Variants in LAMC3 observed in about 807,000 individuals in gnomAD.
LAMC3 encodes the protein laminin subunit gamma-3.
In LAMC3, 128 loss-of-function variants were observed where a neutral mutation model predicts 173.8. That is an observed-to-expected ratio of 0.74 (90% CI 0.64 to 0.85). The LOEUF (loss-of-function observed/expected upper bound fraction) is 0.85. Ranked by LOEUF, LAMC3 falls within the 40% of genes least tolerant of loss-of-function variation. LAMC3 has a pLI of 0.00. For synonymous variants in LAMC3, 897 were observed against 909.1 expected, an observed-to-expected ratio of 0.99 and a Z score of 0.24; for missense variants, 2,022 against 2,156.0, an observed-to-expected ratio of 0.94 and a Z score of 1.23.
intron 1 of LAMC3, among the ~76,000 whole-genome samples, chr9:131,023,536 G>A (rs1476490234): frequency 1.3e-5 from 2 of 152,224 alleles, no homozygotes; most frequent in Non-Finnish European, 2.9e-5. Flanking sequence ...ATGATGTGGA[G>A]CATTTTTTCT....
At position 131,042,195 on chromosome 9, in the gene LAMC3, C is replaced by T. The variant is rs147686514; in HGVS notation, c.1382+460C>T. Among the ~76,000 whole-genome samples the T allele has an allele frequency of 6.3e-3, 964 of 152,202 alleles. 7 individuals carry two copies. Among genetic ancestry groups the T allele is most frequent in the Middle Eastern group, 0.034 (10 of 294 alleles). ...CGTTTCACACCCACAGCAGACATCA[C>T]TCATGGAGTATTATCAACGCTCCCC... On this transcript the variant is annotated intron_variant, in intron 7 of 27. Transcript: ENST00000361069.
chr9:131,033,645 C>G (rs3780278), intron 3 of LAMC3, among the ~76,000 whole-genome samples: 28,669 of 152,020 alleles, frequency 0.19, 4,727 homozygotes, highest in African/African-American at 0.45. Flanking sequence ...CACCCCCAAA[C>G]CCCTGACAGC....
intron 24 of LAMC3, among the ~76,000 whole-genome samples, chr9:131,083,865 C>CTTTTTTTTTT (rs61109597): frequency 2.0e-5 from 1 of 49,218 alleles, no homozygotes; most frequent in Non-Finnish European, 3.5e-5. Flanking sequence ...GTAATAAGTG[C>CTTTTTTTTTT]TTTTTTTTTT....
chr9:131,052,415 C>T lies in LAMC3; in HGVS notation c.1631-76C>T, dbSNP rs115566350. ...TTATCTTTTTTGAATGTTTAGTTGC[C>T]GATAAAATCAACATAGACATTTAAA... is the stretch of plus-strand genomic sequence containing the variant. On this transcript the variant is annotated intron_variant, in intron 9 of 27. Coordinates refer to ENST00000361069, the MANE Select transcript of LAMC3 (RefSeq NM_006059.4). 1,525 of 1,305,726 alleles carry T rather than the reference C, an allele frequency of 1.2e-3. 10 individuals carry two copies. In the African/African-American group the frequency reaches 0.019, roughly 16 times the overall value. The allele number at this position is 1,305,726 out of a possible 1,614,324, so 80.9% of individuals were successfully genotyped here. A position where few individuals can be genotyped will look rare whatever the true frequency, so the allele number is the denominator to read the frequency against.
intron 7 of LAMC3, among the ~76,000 whole-genome samples, chr9:131,044,963 C>T (rs1834121442): frequency 6.6e-6 from 1 of 152,116 alleles, no homozygotes; most frequent in South Asian, 2.1e-4. Context: ...TGGCTCAAGC[C>T]TGAAATCCCA....
Position 131,041,914 on chromosome 9 carries a change from A to G in LAMC3, c.1382+179A>G, listed in dbSNP as rs529564159. Among the ~76,000 whole-genome samples, 23 of 152,292 alleles carry G rather than the reference A, an allele frequency of 1.5e-4. No individual in the cohort carries two copies. The South Asian group carries it at 4.8e-3, about 32-fold the overall frequency. ...TATCTGTCATACAGGAAGTTACTCAAAAGCTTTATGGCACTGTTTGTGCTT... is the reference window on the plus strand; with the variant it reads ...TATCTGTCATACAGGAAGTTACTCAGAAGCTTTATGGCACTGTTTGTGCTT... On this transcript the variant is annotated intron_variant, in intron 7 of 27. Transcript: ENST00000361069.
At chr9:131,078,125 C>T (rs1443213119) in intron 22 of LAMC3, among the ~76,000 whole-genome samples, 1 of 152,180 alleles carries the variant, frequency 6.6e-6, no homozygotes, top group South Asian at 2.1e-4. Flanking sequence ...ATACTCATCA[C>T]CTCTGCATGA....
chr9:131,038,381 CAG>C (rs1833983045), intron 4 of LAMC3, among the ~76,000 whole-genome samples: 1 of 152,216 alleles, frequency 6.6e-6, no homozygotes, highest in African/African-American at 2.4e-5. Flanking sequence ...GGAGCCAAGA[CAG>C]AGCCAGTCCT....
Position 131,091,534 on chromosome 9 carries a change from C to A in LAMC3, c.4478-3C>A, listed in dbSNP as rs1380580866. The A allele has an allele frequency of 6.3e-7, 1 of 1,576,970 alleles. No individual in the cohort carries two copies. Among genetic ancestry groups the A allele is most frequent in the Non-Finnish European group, 8.6e-7 (1 of 1,162,280 alleles). ...CAGTGAGGCTGTTTGTGCCCCACCA[C>A]AGGGTCGCTGGACACCCATCAAGCC... On this transcript the variant is annotated splice_region_variant and splice_polypyrimidine_tract_variant and intron_variant, in intron 27 of 27. Coordinates refer to ENST00000361069, the MANE Select transcript of LAMC3 (RefSeq NM_006059.4).
intron 1 of LAMC3, among the ~76,000 whole-genome samples, chr9:131,019,981 G>A (rs1016224545): frequency 1.3e-5 from 2 of 152,114 alleles, no homozygotes; most frequent in African/African-American, 2.4e-5. Context: ...GAATGACACC[G>A]GGACAGTCAT....
chr9:131,054,819 A>G (rs1019523286), intron 11 of LAMC3, among the ~76,000 whole-genome samples: 1 of 114,338 alleles, frequency 8.7e-6, no homozygotes, highest in Non-Finnish European at 1.8e-5. Context: ...AGAGAGAGAA[A>G]GAAAGAAGAA....
chr9:131,071,676 G>A lies in LAMC3; in HGVS notation c.3211+51G>A, dbSNP rs775025034. 3 of 1,498,412 alleles carry A rather than the reference G, an allele frequency of 2.0e-6. No homozygotes were observed. In the African/African-American group the frequency reaches 4.2e-5, roughly 21 times the overall value. The allele number at this position is 1,498,412 out of a possible 1,614,324, so 92.8% of individuals were successfully genotyped here. ...GGTGGGAGGCAAGGGGAGGCCCCCA[G>A]CGCCTGCAGTCTGGTGTCGTTGGAT... is the stretch of plus-strand genomic sequence containing the variant. On this transcript the variant is annotated intron_variant, in intron 18 of 27. Coordinates refer to ENST00000361069, the MANE Select transcript of LAMC3 (RefSeq NM_006059.4).
chr9:131,032,663 ACTCT>A (rs898342357), intron 3 of LAMC3, among the ~76,000 whole-genome samples: 1 of 101,508 alleles, frequency 9.9e-6, no homozygotes, highest in African/African-American at 3.7e-5. Flanking sequence ...ACTCTCTCTC[ACTCT>A]CTCTCGCTCT....
At chr9:131,028,591 C>T (rs762686388) in intron 2 of LAMC3, among the ~76,000 whole-genome samples, 2 of 152,312 alleles carry the variant, frequency 1.3e-5, no homozygotes, top group Admixed American at 6.5e-5. Context: ...TAAGGACTCA[C>T]GGAACTCAGA....
In LAMC3 at chr9:131,009,811, G is replaced by C. The variant is rs1833379618; in HGVS notation, c.373+224G>C. Among the ~76,000 whole-genome samples, 1 of 152,062 alleles carries C rather than the reference G, an allele frequency of 6.6e-6. No homozygotes were observed. Among genetic ancestry groups the C allele is most frequent in the Admixed American group, 6.5e-5 (1 of 15,268 alleles). The stretch of plus-strand genomic sequence containing the variant: ...ATGGGAGGGTCGCTTGAGCCCAGGA[G>C]TTCAAGATCAGCCTGGGCAACGTAG... On this transcript the variant is annotated intron_variant, in intron 1 of 27. Transcript: ENST00000361069. This position sits in a 1 kb window ranked among gnomAD's most constrained non-coding sequence, Gnocchi z 4.3.
intron 25 of LAMC3, 104 bp from the exon 26 acceptor site, chr9:131,087,372 C>T (rs759827432): frequency 7.2e-7 from 1 of 1,389,042 alleles, no homozygotes; most frequent in Non-Finnish European, 1.0e-6. Flanking sequence ...AATGATCTGC[C>T]TGGTACAGAC....
At chr9:131,069,089 G>A (rs746414857) in intron 16 of LAMC3, 39 bp downstream of exon 16, 17 of 1,609,172 alleles carry the variant, frequency 1.1e-5, no homozygotes, top group Non-Finnish European at 1.2e-5. Context: ...CCCTGAGGGT[G>A]GGGCCCGAGG....
intron 27 of LAMC3, among the ~76,000 whole-genome samples, chr9:131,088,826 A>T (rs2133354406): frequency 6.6e-6 from 1 of 152,174 alleles, no homozygotes; most frequent in East Asian, 1.9e-4. Flanking sequence ...TCATGCCTGT[A>T]ATCCCAGCAC....
intron 16 of LAMC3, 71 bp downstream of exon 16, chr9:131,069,121 A>G (rs1829995044): frequency 6.6e-7 from 1 of 1,513,690 alleles, no homozygotes; most frequent in Non-Finnish European, 9.2e-7. Context: ...GAGATGACTG[A>G]TGGGGAAAAT....
Sources: allele counts gnomAD v4.1 joint callset (sites outside exome capture counted in the v4.1 genomes callset), GRCh38; gene constraint gnomAD v4.1.1; non-coding constraint Gnocchi (gnomAD v3.1); transcripts MANE v1.5; gene names NCBI Gene and HGNC (gene_info 2026-07-23, HGNC 2026-07-21).